IMMP2L: variants seen among roughly 807,000 people sequenced by gnomAD.
IMMP2L encodes the protein mitochondrial inner membrane protease subunit 2.
IMMP2L carries 18 observed loss-of-function variants against 19.3 expected under a neutral mutation model. The ratio of observed to expected loss-of-function variants is 0.93; its 90% CI spans 0.64 to 1.38. IMMP2L has a LOEUF of 1.38. Among genes scored for constraint, IMMP2L ranks in the 40% most tolerant of loss-of-function variants. IMMP2L has a pLI of 0.00. For synonymous variants in IMMP2L, 76 were observed against 73.0 expected (o/e 1.04, Z -0.21); for missense variants, 233 against 218.2 (o/e 1.07, Z -0.43).
chr7:111,518,238 C>G (rs568234594), intron 2 of IMMP2L, among the ~76,000 whole-genome samples: 33 of 152,184 alleles, frequency 2.2e-4, no homozygotes, highest in African/African-American at 6.3e-4. Flanking sequence ...CCCCTAATCA[C>G]AAACCAACAG....
intron 3 of IMMP2L, among the ~76,000 whole-genome samples, chr7:111,375,958 A>G (rs768325803): frequency 1.3e-5 from 2 of 152,284 alleles, no homozygotes; most frequent in South Asian, 2.1e-4. Flanking sequence ...CTAAAAACAT[A>G]TATTACTTGA....
rs143954837 is a variant in IMMP2L at position 111,115,513 on chromosome 7, TC to T, written c.240-151949del. 1.3e-4 allele frequency among the ~76,000 whole-genome samples: 19 copies of T among 150,980 alleles called. 1 individual carries two copies. Among genetic ancestry groups the T allele is most frequent in the African/African-American group, 4.1e-4 (17 of 41,106 alleles). ...AAATGTGCCTGTGATTAAGATTTCA[TC>T]CCCCCCTCTGTAAAAGAAAATTATA... On this transcript the variant is annotated intron_variant, in intron 3 of 5. Coordinates refer to ENST00000405709, the MANE Select transcript of IMMP2L (RefSeq NM_032549.4).
chr7:111,390,336 T>G (rs1157390642), intron 3 of IMMP2L, among the ~76,000 whole-genome samples: 1 of 152,120 alleles, frequency 6.6e-6, no homozygotes, highest in Non-Finnish European at 1.5e-5. Context: ...TGTATCTTTC[T>G]TCTTCCTTTC....
intron 3 of IMMP2L, among the ~76,000 whole-genome samples, chr7:111,136,786 C>T (rs924927816): frequency 6.6e-6 from 1 of 152,190 alleles, no homozygotes; most frequent in African/African-American, 2.4e-5. Flanking sequence ...ATCACCAGCA[C>T]TTAGGAAATG....
chr7:110,667,530 T>C (rs1791546962), intron 5 of IMMP2L, among the ~76,000 whole-genome samples: 1 of 152,064 alleles, frequency 6.6e-6, no homozygotes, highest in Non-Finnish European at 1.5e-5. Context: ...ATCACAAGGG[T>C]CCTAAACAGT....
chr7:111,265,385 A>C (rs1587132725), intron 3 of IMMP2L, among the ~76,000 whole-genome samples: 1 of 152,316 alleles, frequency 6.6e-6, no homozygotes, highest in East Asian at 1.9e-4. Context: ...TCTGATTCTC[A>C]ATGGAATCTG....
chr7:110,872,553 T>C lies in IMMP2L; in HGVS notation c.408+14040A>G, dbSNP rs144446705. On this transcript the variant is annotated intron_variant, in intron 5 of 5. Transcript: ENST00000405709. ...AGATAAGGTTTCCATGGAGCTGCCA[T>C]AATTTTTCTATAACGCTGCCCCTAG... is the stretch of plus-strand genomic sequence containing the variant. Among the ~76,000 whole-genome samples, 60 of 152,306 alleles carry C rather than the reference T, an allele frequency of 3.9e-4. No homozygotes were observed. In the East Asian group the frequency reaches 0.01, roughly 26 times the overall value.
intron 3 of IMMP2L, among the ~76,000 whole-genome samples, chr7:111,202,876 A>G (rs1810295244): frequency 6.6e-6 from 1 of 152,180 alleles, no homozygotes; most frequent in Non-Finnish European, 1.5e-5. Context: ...TGATGGACAG[A>G]AACAATCAAG....
At chr7:111,107,677 G>A (rs767475004) in intron 3 of IMMP2L, among the ~76,000 whole-genome samples, 15 of 152,026 alleles carry the variant, frequency 9.9e-5, no homozygotes, top group African/African-American at 2.2e-4. Context: ...CAATAGATGC[G>A]TTTCATGCTC....
rs188044781 is a variant in IMMP2L at position 110,849,174 on chromosome 7, C to A, written c.408+37419G>T. Among the ~76,000 whole-genome samples, 504 of 152,146 alleles carry A rather than the reference C, an allele frequency of 3.3e-3. 3 individuals carry two copies. Among genetic ancestry groups the A allele is most frequent in the Non-Finnish European group, 6.1e-3 (417 of 68,000 alleles). On this transcript the variant is annotated intron_variant, in intron 5 of 5. Transcript: ENST00000405709. Reference sequence around the variant, plus strand: ...AAGCTGGGGTATGTGTTTGTGAGGACAGAGGATATATGAGAACTCTGTACT... The same window carrying A: ...AAGCTGGGGTATGTGTTTGTGAGGAAAGAGGATATATGAGAACTCTGTACT...
chr7:111,130,904 A>G lies in IMMP2L; in HGVS notation c.240-167339T>C, dbSNP rs1801781963. ...ATAAAAAACAAGAAATCATGTCTCC[A>G]AAACAACTTTAAAGCTCTTACCTTC... On this transcript the variant is annotated intron_variant, in intron 3 of 5. Transcript: ENST00000405709. 1.3e-5 allele frequency among the ~76,000 whole-genome samples: 2 copies of G among 152,062 alleles called. 1 individual carries two copies. Among genetic ancestry groups the G allele is most frequent in the South Asian group, 4.1e-4 (2 of 4,834 alleles).
chr7:110,668,989 GTAT>G (rs1791659126), intron 5 of IMMP2L, among the ~76,000 whole-genome samples: 1 of 148,828 alleles, frequency 6.7e-6, no homozygotes. Flanking sequence ...CATACTGGCT[GTAT>G]TAGTTAGGTT....
At chr7:110,947,789 G>A (rs149432486) in intron 4 of IMMP2L, among the ~76,000 whole-genome samples, 64 of 152,278 alleles carry the variant, frequency 4.2e-4, no homozygotes, top group Admixed American at 1.7e-3. Flanking sequence ...CTGAAGCAGC[G>A]TGGGATGCAG....
chr7:111,471,386 T>C (rs910892838), intron 3 of IMMP2L, among the ~76,000 whole-genome samples: 1 of 152,058 alleles, frequency 6.6e-6, no homozygotes, highest in African/African-American at 2.4e-5. Flanking sequence ...CTCTAAAGTC[T>C]CTAAATTTGA....
intron 3 of IMMP2L, among the ~76,000 whole-genome samples, chr7:111,417,004 C>G (rs757642255): frequency 1.5e-4 from 23 of 151,544 alleles, no homozygotes; most frequent in Non-Finnish European, 3.2e-4. Context: ...ATTTAAAGTA[C>G]ATAAAATTAA....
At chr7:111,018,815 TTATTATTATTATTATTATTATTAC>T (rs927950134) in intron 3 of IMMP2L, among the ~76,000 whole-genome samples, 4 of 139,050 alleles carry the variant, frequency 2.9e-5, no homozygotes, top group African/African-American at 1.0e-4. Flanking sequence ...ATTATTATTA[TTATTATTATTATTATTATTATTAC>T]AAGCATCAGT....
At chr7:110,832,521 C>T (rs1165499764) in intron 5 of IMMP2L, among the ~76,000 whole-genome samples, 14 of 152,014 alleles carry the variant, frequency 9.2e-5, no homozygotes, top group South Asian at 2.1e-4. Flanking sequence ...CTGCTGGTGG[C>T]GTGCTTCCTA....
intron 3 of IMMP2L, among the ~76,000 whole-genome samples, chr7:111,264,393 CAG>C (rs1294279190): frequency 6.6e-6 from 1 of 152,136 alleles, no homozygotes; most frequent in Non-Finnish European, 1.5e-5. Flanking sequence ...ATTTCCAAAT[CAG>C]ACATTTCTGC....
intron 5 of IMMP2L, among the ~76,000 whole-genome samples, chr7:110,879,356 C>G (rs1231670438): frequency 1.3e-5 from 2 of 151,228 alleles, no homozygotes; most frequent in Non-Finnish European, 2.9e-5. Context: ...CCACTGTACT[C>G]CAGCCTGGGT....
Sources: allele counts gnomAD v4.1 joint callset (sites outside exome capture counted in the v4.1 genomes callset), GRCh38; gene constraint gnomAD v4.1.1; transcripts MANE v1.5; gene names NCBI Gene and HGNC (gene_info 2026-07-23, HGNC 2026-07-21).